Variants in MYCBP2 observed in about 807,000 individuals in gnomAD.
The protein encoded by MYCBP2 is E3 ubiquitin-protein ligase MYCBP2.
MYCBP2 carries 120 observed loss-of-function variants against 525.3 expected under a neutral mutation model. The ratio of observed to expected loss-of-function variants is 0.23; its 90% CI spans 0.20 to 0.27. The LOEUF (loss-of-function observed/expected upper bound fraction) is 0.27. Ranked by LOEUF, MYCBP2 falls within the 10% of genes least tolerant of loss-of-function variation. The probability of loss-of-function intolerance (pLI) is 1.00; values close to 1 mark genes in which losing one functional copy is unlikely to be tolerated. For synonymous variants in MYCBP2, 1,894 were observed against 1,955.8 expected (o/e 0.97, Z 0.83); for missense variants, 4,149 against 5,657.1 (o/e 0.73, Z 8.55).
At chr13:77,173,501 T>C (rs2059334407) in intron 37 of MYCBP2, among the ~76,000 whole-genome samples, 1 of 152,244 alleles carries the variant, frequency 6.6e-6, no homozygotes, top group Non-Finnish European at 1.5e-5. Context: ...ATTTCTATTC[T>C]ATTTCTGATG....
chr13:77,114,363 CATTT>C (rs2049354195), intron 55 of MYCBP2, among the ~76,000 whole-genome samples: 1 of 152,006 alleles, frequency 6.6e-6, no homozygotes, highest in South Asian at 2.1e-4. Context: ...CAAAAGATAA[CATTT>C]ATTGGGAATC....
chr13:77,129,155 C>T (rs2154169951), intron 52 of MYCBP2: 1 of 397,642 alleles, frequency 2.5e-6, no homozygotes, highest in East Asian at 3.6e-5. Flanking sequence ...AGTTAACTCA[C>T]CTGGGGGAAA....
chr13:77,148,769 AATTTC>A (rs1310493638), intron 47 of MYCBP2, among the ~76,000 whole-genome samples: 1 of 152,126 alleles, frequency 6.6e-6, no homozygotes, highest in African/African-American at 2.4e-5. Context: ...CTAGAATAAC[AATTTC>A]ATTTTATCCG....
intron 55 of MYCBP2, among the ~76,000 whole-genome samples, chr13:77,101,553 T>C (rs2047068693): frequency 1.3e-5 from 2 of 152,172 alleles, no homozygotes; most frequent in South Asian, 2.1e-4. Context: ...TATTACATAG[T>C]GTTAGAAAGA....
At chr13:77,314,788 G>A (rs1456821705) in intron 1 of MYCBP2, among the ~76,000 whole-genome samples, 2 of 152,152 alleles carry the variant, frequency 1.3e-5, no homozygotes, top group Non-Finnish European at 2.9e-5. Context: ...GTCAGTGGAG[G>A]TTAAACAATG....
At chr13:77,260,924 A>G (rs957181706) in intron 12 of MYCBP2, among the ~76,000 whole-genome samples, 1 of 152,102 alleles carries the variant, frequency 6.6e-6, no homozygotes, top group African/African-American at 2.4e-5. Flanking sequence ...TTCTACTAAC[A>G]CATATCTAAA....
chr13:77,075,376 G>A (rs1422870700), intron 68 of MYCBP2: 2 of 151,980 alleles, frequency 1.3e-5, no homozygotes, highest in African/African-American at 4.8e-5. Context: ...TATTTCATGG[G>A]CACACACATG....
chr13:77,126,114 T>C (rs1430875783), intron 53 of MYCBP2, among the ~76,000 whole-genome samples: 1 of 152,222 alleles, frequency 6.6e-6, no homozygotes, highest in African/African-American at 2.4e-5. Context: ...AAATCATTTG[T>C]TAATATATTG....
intron 17 of MYCBP2, among the ~76,000 whole-genome samples, chr13:77,237,820 TA>T (rs1209655265): frequency 6.6e-6 from 1 of 152,204 alleles, no homozygotes; most frequent in Non-Finnish European, 1.5e-5. Context: ...TTTTCTTACT[TA>T]TACTCTCTAA....
rs1197275937 is a variant in MYCBP2, at chr13:77,090,234, T to A, written c.10397A>T (p.Asp3466Val). 6.2e-7 allele frequency: 1 copy of A among 1,612,240 alleles called. No homozygotes were observed. Among genetic ancestry groups the A allele is most frequent in the Admixed American group, 1.7e-5 (1 of 59,870 alleles). ...SLETSPITDT[D>V]LAKRTVFQRS... is the part of the protein sequence containing the mutation. ...TTGGAAGACAGTTCTCTTTGCAAGA[T>A]CAGTATCAGTTATGGGACTGGTTTC... The change falls in exon 60 of 83, where the codon GAT becomes GTT. Residue 3466 changes from aspartate (D) to valine (V), a missense_variant. Coordinates refer to ENST00000544440, the MANE Select transcript of MYCBP2 (RefSeq NM_015057.5).
At chr13:77,256,060 G>A (rs980993870) in intron 14 of MYCBP2, among the ~76,000 whole-genome samples, 3 of 151,972 alleles carry the variant, frequency 2.0e-5, no homozygotes, top group Non-Finnish European at 4.4e-5. Context: ...GCAATCAAAG[G>A]AGAAAGCCCT....
At chr13:77,154,826 C>A (rs1004668028) in intron 46 of MYCBP2, among the ~76,000 whole-genome samples, 2 of 151,482 alleles carry the variant, frequency 1.3e-5, no homozygotes, top group African/African-American at 2.4e-5. Flanking sequence ...ATCTTTTTTT[C>A]TTATAATTTG....
intron 8 of MYCBP2, 57 bp from the exon 9 acceptor site, chr13:77,264,059 A>G: frequency 7.1e-7 from 1 of 1,414,582 alleles, no homozygotes; most frequent in Non-Finnish European, 9.9e-7. Context: ...TGCAAAATGA[A>G]TTTACTCCTC....
chr13:77,112,651 C>T (rs1008663081), intron 55 of MYCBP2, among the ~76,000 whole-genome samples: 5 of 152,128 alleles, frequency 3.3e-5, no homozygotes, highest in Non-Finnish European at 5.9e-5. Flanking sequence ...GTTGTCTTGG[C>T]TGGTCTCAAA....
Position 77,144,493 on chromosome 13 carries a change from C to G in MYCBP2, c.7255G>C (p.Ala2419Pro). ...GTYCANWTPG[A>P]IGLYTLHVTI... ...ACATGAAGAGTGTAGAGTCCAATAG[C>G]CCCTGGAGTCCAATTTGCACAATAA... Residue 2419 changes from alanine (A) to proline (P), a missense_variant, in exon 49 of 83, where the codon GCT (alanine) becomes CCT (proline). By Grantham distance (27) the Ala-to-Pro change is conservative (BLOSUM62 -1). Coordinates refer to ENST00000544440, the MANE Select transcript of MYCBP2 (RefSeq NM_015057.5). 1.2e-6 allele frequency: 2 copies of G among 1,613,778 alleles called. No homozygotes were observed. The highest frequency in any genetic ancestry group is 1.7e-6 in the Non-Finnish European group (2 of 1,179,812).
rs759526265 is a variant in MYCBP2, at chr13:77,121,454, T to C, written c.8059A>G (p.Ser2687Gly). Residue 2687 changes from serine (S) to glycine (G), a missense_variant, in exon 55 of 83, where the codon AGC becomes GGC. Ser to Gly is a moderately conservative substitution (Grantham distance 56, BLOSUM62 0). This residue lies in a region of MYCBP2 where 653 missense variants were observed against 744.7 expected (regional missense o/e 0.88). Transcript: ENST00000544440. ...LDQNSQTPPP[S>G]PFSVQAFNKG... Reference sequence around the variant, plus strand: ...TTAAAAGCTTGCACTGAGAAAGGGCTTGGAGGAGGAGTTTGAGAATTCTGA... The same window carrying C: ...TTAAAAGCTTGCACTGAGAAAGGGCCTGGAGGAGGAGTTTGAGAATTCTGA... The C allele has an allele frequency of 1.3e-6, 2 of 1,585,512 alleles. No individual in the cohort carries two copies. Among genetic ancestry groups the C allele is most frequent in the East Asian group, 2.3e-5 (1 of 44,432 alleles).
chr13:77,246,415 G>C (rs189597139), intron 15 of MYCBP2, among the ~76,000 whole-genome samples: 237 of 151,778 alleles, frequency 1.6e-3, no homozygotes, highest in African/African-American at 5.4e-3. Flanking sequence ...ATTCTTTGAG[G>C]TCAGGATTAC....
rs2062102741 is a variant in MYCBP2 at position 77,199,071 on chromosome 13, C to T, written c.3844-4827G>A. 2.0e-5 allele frequency among the ~76,000 whole-genome samples: 3 copies of T among 152,174 alleles called. No homozygotes were observed. In the East Asian group the frequency reaches 5.8e-4, roughly 29 times the overall value. The stretch of plus-strand genomic sequence containing the variant: ...GCTGAATAGGAACAGCTCCGGTCTA[C>T]AGCTCCCAGCGTGAGCAACACAGAA... On this transcript the variant is annotated intron_variant, in intron 26 of 82. Coordinates refer to ENST00000544440, the MANE Select transcript of MYCBP2 (RefSeq NM_015057.5).
chr13:77,236,217 G>C (rs2067905089), intron 17 of MYCBP2, among the ~76,000 whole-genome samples: 1 of 152,196 alleles, frequency 6.6e-6, no homozygotes, highest in African/African-American at 2.4e-5. Flanking sequence ...AATTAAGAAG[G>C]CTGTATAAAT....
Sources: gnomAD v4.1 joint callset for allele counts (sites outside exome capture counted in the v4.1 genomes callset) on GRCh38, gnomAD v4.1.1 for gene constraint, gnomAD v4.1.1 regional missense constraint, MANE v1.5 for transcripts, NCBI Gene and HGNC (gene_info 2026-07-23, HGNC 2026-07-21) for gene names.